The following MBNL1 variants were observed in gnomAD, a reference collection of about 807,000 sequenced individuals.
MBNL1 encodes the protein muscleblind-like protein 1.
In MBNL1, 8 loss-of-function variants were observed where a neutral mutation model predicts 42.2. The ratio of observed to expected loss-of-function variants is 0.19; its 90% CI spans 0.11 to 0.34. MBNL1 has a LOEUF of 0.34. Ranked by LOEUF, MBNL1 falls within the 10% of genes least tolerant of loss-of-function variation. The pLI is 1.00. For synonymous variants in MBNL1, 169 were observed against 173.9 expected (o/e 0.97, Z 0.22); for missense variants, 309 against 495.3 (o/e 0.62, Z 3.57).
At chr3:152,402,939 A>T (rs1043796758) in intron 2 of MBNL1, among the ~76,000 whole-genome samples, 4 of 152,018 alleles carry the variant, frequency 2.6e-5, no homozygotes, top group African/African-American at 9.7e-5. Flanking sequence ...AGATGTGTAA[A>T]CAGTGCCCAG....
At chr3:152,403,761 A>G (rs1021093536) in intron 2 of MBNL1, among the ~76,000 whole-genome samples, 5 of 152,082 alleles carry the variant, frequency 3.3e-5, no homozygotes, top group African/African-American at 1.2e-4. Flanking sequence ...ATGCTGTTGC[A>G]GTCCATCCAA....
intron 2 of MBNL1, among the ~76,000 whole-genome samples, chr3:152,384,384 A>G (rs1281667630): frequency 1.3e-5 from 2 of 152,122 alleles, no homozygotes; most frequent in Non-Finnish European, 2.9e-5. Context: ...AGAGTTACAG[A>G]AAGATAATTG....
rs567004198 is a variant in MBNL1 at position 152,451,706 on chromosome 3, A to G, written c.962-3836A>G. Among the ~76,000 whole-genome samples, 50 of 152,332 alleles carry G rather than the reference A, an allele frequency of 3.3e-4. 1 individual carries two copies. The highest frequency in any genetic ancestry group is 1.2e-3 in the African/African-American group (49 of 41,576). Reference sequence around the variant, plus strand: ...GTACCCTTCAGTTCCAAACGCTACAATTCCCTATTGCCTTAGGCCAGGTTG... The same window carrying G: ...GTACCCTTCAGTTCCAAACGCTACAGTTCCCTATTGCCTTAGGCCAGGTTG... On this transcript the variant is annotated intron_variant, in intron 6 of 9. Transcript: ENST00000324210.
chr3:152,390,096 C>G (rs1265120715), intron 2 of MBNL1, among the ~76,000 whole-genome samples: 24 of 151,534 alleles, frequency 1.6e-4, no homozygotes, highest in Admixed American at 1.6e-3. Context: ...TCTCGAACTC[C>G]TGACCTTGTG....
intron 2 of MBNL1, among the ~76,000 whole-genome samples, chr3:152,261,971 G>A (rs946867316): frequency 6.6e-6 from 1 of 152,108 alleles, no homozygotes; most frequent in Non-Finnish European, 1.5e-5. Flanking sequence ...TGGTAAGCAC[G>A]CAGGGTTTGT....
At chr3:152,418,631 AGAGAG>A (rs1311343120) in intron 3 of MBNL1, among the ~76,000 whole-genome samples, 149 of 92,152 alleles carry the variant, frequency 1.6e-3, no homozygotes, top group African/African-American at 3.9e-3. Flanking sequence ...AAAAAAAAAA[AGAGAG>A]AGAGAGAGAG....
chr3:152,404,825 A>G (rs1174388147), intron 2 of MBNL1, among the ~76,000 whole-genome samples: 2 of 151,046 alleles, frequency 1.3e-5, no homozygotes, highest in Non-Finnish European at 3.0e-5. Context: ...TGTTATATCC[A>G]AATTGAAGAG....
At chr3:152,382,053 C>T (rs1434241866) in intron 2 of MBNL1, among the ~76,000 whole-genome samples, 1 of 152,012 alleles carries the variant, frequency 6.6e-6, no homozygotes, top group Non-Finnish European at 1.5e-5. Context: ...GTAACATACT[C>T]TTTAGTTACC....
chr3:152,348,434 T>C (rs909467155), intron 2 of MBNL1, among the ~76,000 whole-genome samples: 2 of 152,124 alleles, frequency 1.3e-5, no homozygotes, highest in African/African-American at 2.4e-5. Flanking sequence ...ACAATACTTA[T>C]TTGAAAGTAT....
intron 2 of MBNL1, among the ~76,000 whole-genome samples, chr3:152,253,463 C>T (rs1280658273): frequency 1.3e-5 from 2 of 152,106 alleles, no homozygotes; most frequent in Admixed American, 1.3e-4. Flanking sequence ...TTAAGAAACC[C>T]TCTTTTTCTA....
At chr3:152,346,850 G>C (rs17369534) in intron 2 of MBNL1, among the ~76,000 whole-genome samples, 14,846 of 148,520 alleles carry the variant, frequency 0.1, 780 homozygotes, top group Middle Eastern at 0.17. Flanking sequence ...GTCCCAGTCT[G>C]CATTACCAAA....
chr3:152,310,797 G>A (rs370006805), intron 2 of MBNL1, among the ~76,000 whole-genome samples: 1 of 151,756 alleles, frequency 6.6e-6, no homozygotes, highest in African/African-American at 2.4e-5. Context: ...GAACAGTATA[G>A]CAAATCAGAA....
rs1170049506 is a variant in MBNL1 at position 152,458,108 on chromosome 3, G to A, written c.1093-1163G>A. ...TTCATCTGCATCGATTGGTGTTGAA[G>A]GTCCTTGGTATGTTTCGACAGCCCC... On this transcript the variant is annotated intron_variant, in intron 8 of 9. Transcript: ENST00000324210. The A allele has an allele frequency of 2.5e-6, 4 of 1,611,232 alleles. No individual in the cohort carries two copies. The Admixed American group carries it at 6.7e-5, about 27-fold the overall frequency.
chr3:152,327,699 A>T (rs539992687), intron 2 of MBNL1, among the ~76,000 whole-genome samples: 1 of 152,160 alleles, frequency 6.6e-6, no homozygotes, highest in South Asian at 2.1e-4. Context: ...TCGTGATGTG[A>T]TTTAAAAAAT....
intron 2 of MBNL1, among the ~76,000 whole-genome samples, chr3:152,404,984 G>GA (rs996588546): frequency 1.1e-4 from 16 of 149,456 alleles, no homozygotes; most frequent in Admixed American, 4.0e-4. Flanking sequence ...TTCCTCTGAG[G>GA]AAAAAAAAAT....
chr3:152,312,058 G>A (rs2066908890), intron 2 of MBNL1, among the ~76,000 whole-genome samples: 1 of 151,360 alleles, frequency 6.6e-6, no homozygotes, highest in Non-Finnish European at 1.5e-5. Context: ...CGGGCGTAGT[G>A]GCGGGCGCCT....
upstream of MBNL1, chr3:152,264,214 A>G (rs2036805937): frequency 6.6e-6 from 1 of 152,212 alleles, no homozygotes; most frequent in African/African-American, 2.4e-5. Context: ...GAAGTGATTT[A>G]TCTGTGCTGT....
intron 6 of MBNL1, among the ~76,000 whole-genome samples, chr3:152,453,194 T>G (rs892394893): frequency 2.6e-5 from 4 of 152,148 alleles, no homozygotes; most frequent in Non-Finnish European, 4.4e-5. Flanking sequence ...ATAATCAACC[T>G]AAATAGGACT....
intron 2 of MBNL1, among the ~76,000 whole-genome samples, chr3:152,376,089 C>G (rs1560351476): frequency 6.6e-6 from 1 of 152,080 alleles, no homozygotes; most frequent in Non-Finnish European, 1.5e-5. Context: ...CTCATACTGT[C>G]AGGCCGGTAT....
Sources: gnomAD v4.1 joint callset for allele counts (sites outside exome capture counted in the v4.1 genomes callset) on GRCh38, gnomAD v4.1.1 for gene constraint, MANE v1.5 for transcripts, NCBI Gene and HGNC (gene_info 2026-07-23, HGNC 2026-07-21) for gene names.